The following PLB1 variants were observed in gnomAD, a reference collection of about 807,000 sequenced individuals.
PLB1 encodes the protein phospholipase B1, membrane-associated.
In PLB1, 242 loss-of-function variants were observed where a neutral mutation model predicts 227.4. The ratio of observed to expected loss-of-function variants is 1.06; its 90% CI spans 0.96 to 1.18. The LOEUF (loss-of-function observed/expected upper bound fraction) is 1.18. Ranked by LOEUF, PLB1 falls within the 50% of genes most tolerant of loss-of-function variation. The probability of loss-of-function intolerance (pLI) is 0.00; values close to 1 mark genes in which losing one functional copy is unlikely to be tolerated. For synonymous variants in PLB1, 757 were observed against 682.2 expected (o/e 1.11, Z -1.71); for missense variants, 1,858 against 1,816.3 (o/e 1.02, Z -0.42).
intron 56 of PLB1, among the ~76,000 whole-genome samples, chr2:28,635,759 C>T (rs1389057167): frequency 6.6e-6 from 1 of 152,220 alleles, no homozygotes; most frequent in Non-Finnish European, 1.5e-5. Context: ...CCTCTGCCTT[C>T]TTCTGTCTTC....
At chr2:28,634,989 C>G (rs1689126708) in intron 56 of PLB1, among the ~76,000 whole-genome samples, 1 of 152,174 alleles carries the variant, frequency 6.6e-6, no homozygotes, top group Middle Eastern at 3.4e-3. Context: ...TCCCATTCAC[C>G]CAGGTAAGAG....
At position 28,643,110 on chromosome 2, in the gene PLB1, C is replaced by A. The variant is rs1690154062; in HGVS notation, c.*49C>A. 1 of 1,474,492 alleles carries A rather than the reference C, an allele frequency of 6.8e-7. No individual in the cohort carries two copies. The highest frequency in any genetic ancestry group is 1.4e-5 in the South Asian group (1 of 72,458). 91.3% of individuals were successfully genotyped at this position (1,474,492 alleles called of 1,614,324 possible). On this transcript the variant is annotated 3_prime_UTR_variant, in exon 58 of 58. Transcript: ENST00000327757. ...AAACTCCCTATAGCCACTCTCTTCA[C>A]CGCCCTCTGCCCCAGCCACTCCCGG...
At chr2:28,568,865 A>G (rs984004496) in intron 20 of PLB1, among the ~76,000 whole-genome samples, 7 of 152,196 alleles carry the variant, frequency 4.6e-5, no homozygotes, top group South Asian at 2.1e-4. Flanking sequence ...GCCCTATCCA[A>G]TGTGTGGTTC....
intron 14 of PLB1, among the ~76,000 whole-genome samples, chr2:28,545,580 A>G (rs1334796388): frequency 1.3e-5 from 2 of 152,086 alleles, no homozygotes; most frequent in Non-Finnish European, 2.9e-5. Context: ...CGGGGTGTCC[A>G]TTTTCTCTAC....
At chr2:28,597,264 GAAAA>G (rs57713254) in intron 33 of PLB1, among the ~76,000 whole-genome samples, 6 of 85,554 alleles carry the variant, frequency 7.0e-5, no homozygotes, top group Non-Finnish European at 9.5e-5. Context: ...ACTCCGTCTC[GAAAA>G]AAAAAAAAAA....
Position 28,616,540 on chromosome 2 carries a change from C to A in PLB1, c.3196-1187C>A, listed in dbSNP as rs570018724. Reference sequence around the variant, plus strand: ...TTTGGGTGTGGTGCATGGTTCTTCCCTTGTGACGGATGAGCACGTTTCAAT... The same window carrying A: ...TTTGGGTGTGGTGCATGGTTCTTCCATTGTGACGGATGAGCACGTTTCAAT... On this transcript the variant is annotated intron_variant, in intron 44 of 57. Coordinates refer to ENST00000327757, the MANE Select transcript of PLB1 (RefSeq NM_153021.5). Among the ~76,000 whole-genome samples the A allele has an allele frequency of 2.6e-5, 4 of 152,330 alleles. No individual in the cohort carries two copies. In the South Asian group the frequency reaches 8.3e-4, roughly 32 times the overall value.
chr2:28,533,808 C>G (rs1034664693), intron 9 of PLB1, among the ~76,000 whole-genome samples: 4 of 152,210 alleles, frequency 2.6e-5, no homozygotes, highest in Admixed American at 6.5e-5. Context: ...TTCTTGCATG[C>G]TTTCATGTAT....
chr2:28,542,198 GC>G (rs1417530980), intron 13 of PLB1, among the ~76,000 whole-genome samples: 5 of 150,948 alleles, frequency 3.3e-5, no homozygotes, highest in African/African-American at 9.7e-5. Context: ...ATCTGTTCCT[GC>G]CCCCTCTTCC....
intron 44 of PLB1, 39 bp from the exon 45 acceptor site, chr2:28,617,688 T>G (rs756466650): frequency 6.3e-7 from 1 of 1,595,508 alleles, no homozygotes; most frequent in South Asian, 1.1e-5. Flanking sequence ...CCCTGCACAA[T>G]GAGTGTTGGG....
chr2:28,638,827 GAAAAAA>G (rs35972276), intron 56 of PLB1, among the ~76,000 whole-genome samples: 7 of 63,620 alleles, frequency 1.1e-4, no homozygotes, highest in African/African-American at 4.5e-4. Flanking sequence ...GCTGGAGATT[GAAAAAA>G]AAAAAAAAAA....
intron 26 of PLB1, among the ~76,000 whole-genome samples, chr2:28,588,338 GA>G (rs2148280172): frequency 6.6e-6 from 1 of 152,264 alleles, no homozygotes; most frequent in East Asian, 1.9e-4. Flanking sequence ...CAGCATGCTG[GA>G]AGTCACCCTG....
At position 28,614,017 on chromosome 2, in the gene PLB1, T is replaced by G. The variant is rs774629392; in HGVS notation, c.3130-14T>G. ...CTGTCAGATAACTTCTCCATGTGTT[T>G]TTTTTTCTCTTAGAATGAGCCCTTC... On this transcript the variant is annotated splice_polypyrimidine_tract_variant and intron_variant, in intron 43 of 57. Transcript: ENST00000327757. 2.5e-6 allele frequency: 4 copies of G among 1,606,146 alleles called. No individual in the cohort carries two copies. The highest frequency in any genetic ancestry group is 3.4e-6 in the Non-Finnish European group (4 of 1,172,830).
intron 57 of PLB1, 99 bp downstream of exon 57, chr2:28,641,100 C>A: frequency 8.9e-7 from 1 of 1,120,898 alleles, no homozygotes; most frequent in South Asian, 1.6e-5. Flanking sequence ...GATGCTCCCT[C>A]AAATGCGGCT....
chr2:28,543,123 C>CT, intron 13 of PLB1, 89 bp from the exon 14 acceptor site: 2 of 1,410,974 alleles, frequency 1.4e-6, no homozygotes, highest in Non-Finnish European at 1.9e-6. Context: ...TGCCCCAACT[C>CT]TATGCCAGAG....
intron 1 of PLB1, among the ~76,000 whole-genome samples, chr2:28,513,286 C>A (rs1053398584): frequency 6.6e-6 from 1 of 152,196 alleles, no homozygotes; most frequent in African/African-American, 2.4e-5. Flanking sequence ...GAACAGATCA[C>A]TTTTATCTAA....
At chr2:28,508,993 A>G (rs958147599) in intron 1 of PLB1, among the ~76,000 whole-genome samples, 1 of 152,108 alleles carries the variant, frequency 6.6e-6, no homozygotes, top group Non-Finnish European at 1.5e-5. Flanking sequence ...GCCCTCTCTC[A>G]CTTACACAAC....
intron 41 of PLB1, among the ~76,000 whole-genome samples, chr2:28,605,633 A>G (rs1370778500): frequency 6.6e-6 from 1 of 152,184 alleles, no homozygotes; most frequent in African/African-American, 2.4e-5. Context: ...GGGCACTTGT[A>G]GGGTCAAAAA....
intron 56 of PLB1, among the ~76,000 whole-genome samples, chr2:28,636,984 T>C (rs961534862): frequency 2.0e-5 from 3 of 152,122 alleles, no homozygotes; most frequent in Non-Finnish European, 4.4e-5. Context: ...TCTATGTGTA[T>C]GTTAGCTTCA....
At chr2:28,502,634 A>G (rs776894463) in intron 1 of PLB1, among the ~76,000 whole-genome samples, 33 of 152,132 alleles carry the variant, frequency 2.2e-4, no homozygotes, top group Admixed American at 3.9e-4. Flanking sequence ...TTTGCTAACA[A>G]TTGTTTCAGG....
Sources: gnomAD v4.1 joint callset for allele counts (sites outside exome capture counted in the v4.1 genomes callset) on GRCh38, gnomAD v4.1.1 for gene constraint, MANE v1.5 for transcripts, NCBI Gene and HGNC (gene_info 2026-07-23, HGNC 2026-07-21) for gene names.